The following KHDRBS2 variants were observed in gnomAD, a reference collection of about 807,000 sequenced individuals.
The protein encoded by KHDRBS2 is KH domain-containing, RNA-binding, signal transduction-associated protein 2.
KHDRBS2 carries 26 observed loss-of-function variants against 44.3 expected under a neutral mutation model. The ratio of observed to expected loss-of-function variants is 0.59; its 90% CI spans 0.43 to 0.81. The LOEUF is 0.81. KHDRBS2 is among the 40% of genes least tolerant of loss of function. The pLI is 0.00. For missense variants in KHDRBS2, 476 were observed against 433.1 expected (o/e 1.10, Z -0.88); for synonymous variants, 194 against 151.1 (o/e 1.28, Z -2.08).
chr6:61,743,415 C>A (rs1189921255), intron 6 of KHDRBS2, among the ~76,000 whole-genome samples: 1 of 152,052 alleles, frequency 6.6e-6, no homozygotes, highest in Non-Finnish European at 1.5e-5. Flanking sequence ...CTAGTATTTA[C>A]TCTCTAGTTG....
chr6:61,728,371 T>C (rs1773914633), intron 7 of KHDRBS2, among the ~76,000 whole-genome samples: 1 of 151,976 alleles, frequency 6.6e-6, no homozygotes, highest in South Asian at 2.1e-4. Flanking sequence ...GGATAATCTG[T>C]GCAGCAAACC....
intron 3 of KHDRBS2, among the ~76,000 whole-genome samples, chr6:62,008,011 A>G (rs1779580841): frequency 6.6e-6 from 1 of 152,202 alleles, no homozygotes; most frequent in Non-Finnish European, 1.5e-5. Flanking sequence ...TGAATTTCAT[A>G]TGTTAAAAAA....
At chr6:61,823,058 A>G (rs16899888) in intron 6 of KHDRBS2, among the ~76,000 whole-genome samples, 2,742 of 152,066 alleles carry the variant, frequency 0.018, 89 homozygotes, top group African/African-American at 0.063. Context: ...TATATGCTAA[A>G]TGATGCATGA....
the KHDRBS2 span, among the ~76,000 whole-genome samples, chr6:61,571,149 A>G: frequency 6.6e-6 from 1 of 152,094 alleles, no homozygotes; most frequent in Non-Finnish European, 1.5e-5. Flanking sequence ...AAATCCATCA[A>G]CCAAGTACCT....
chr6:62,075,357 G>T (rs1357364356), intron 2 of KHDRBS2, among the ~76,000 whole-genome samples: 5 of 151,816 alleles, frequency 3.3e-5, no homozygotes, highest in Non-Finnish European at 7.4e-5. Context: ...GAATTTGCTG[G>T]TGCTTTGATT....
At chr6:62,170,784 G>C (rs1819828819) in intron 2 of KHDRBS2, among the ~76,000 whole-genome samples, 1 of 151,986 alleles carries the variant, frequency 6.6e-6, no homozygotes, top group Non-Finnish European at 1.5e-5. Flanking sequence ...CAAGGGGCCA[G>C]AGAACAAAGA....
chr6:62,047,422 G>A (rs972726352), intron 3 of KHDRBS2, among the ~76,000 whole-genome samples: 1 of 151,880 alleles, frequency 6.6e-6, no homozygotes, highest in East Asian at 1.9e-4. Flanking sequence ...GATTCTCTTA[G>A]ATTTGCAGAT....
intron 1 of KHDRBS2, among the ~76,000 whole-genome samples, chr6:62,233,689 T>G (rs1394082087): frequency 2.0e-5 from 3 of 152,112 alleles, no homozygotes; most frequent in Non-Finnish European, 1.5e-5. Flanking sequence ...CCTCTATGTG[T>G]TCATGTGTTC....
chr6:62,283,352 G>T (rs957631232), intron 1 of KHDRBS2, among the ~76,000 whole-genome samples: 229 of 152,192 alleles, frequency 1.5e-3, no homozygotes, highest in African/African-American at 5.3e-3. Context: ...AATTCTACAT[G>T]AAGCACTGTC....
chr6:61,830,781 G>A (rs1296131928), intron 6 of KHDRBS2, among the ~76,000 whole-genome samples: 1 of 152,112 alleles, frequency 6.6e-6, no homozygotes, highest in East Asian at 1.9e-4. Context: ...ACATGCTTGA[G>A]CTTATTGGTA....
intron 6 of KHDRBS2, among the ~76,000 whole-genome samples, chr6:61,821,942 G>C (rs1583013757): frequency 2.0e-5 from 3 of 151,970 alleles, no homozygotes. Flanking sequence ...GTAGTCAGAA[G>C]ACATAGTTGA....
chr6:61,953,496 G>A (rs544560543), intron 4 of KHDRBS2, among the ~76,000 whole-genome samples: 4 of 151,964 alleles, frequency 2.6e-5, no homozygotes, highest in South Asian at 2.1e-4. Context: ...TAGGAAAATC[G>A]CTATATTTTT....
At chr6:61,953,508 TA>T (rs1254822201) in intron 4 of KHDRBS2, among the ~76,000 whole-genome samples, 3 of 152,072 alleles carry the variant, frequency 2.0e-5, no homozygotes, top group African/African-American at 7.2e-5. Context: ...TATATTTTTT[TA>T]AATTGTGTAA....
intron 4 of KHDRBS2, among the ~76,000 whole-genome samples, chr6:61,946,005 C>A (rs1013058569): frequency 6.6e-6 from 1 of 152,104 alleles, no homozygotes; most frequent in Non-Finnish European, 1.5e-5. Context: ...CACTCAAACT[C>A]AGAGAAAGAG....
At chr6:62,105,972 G>A (rs1048691074) in intron 2 of KHDRBS2, among the ~76,000 whole-genome samples, 1 of 152,154 alleles carries the variant, frequency 6.6e-6, no homozygotes, top group African/African-American at 2.4e-5. Context: ...ATTCTGGTAT[G>A]TTGTGTCTTT....
intron 3 of KHDRBS2, among the ~76,000 whole-genome samples, chr6:61,981,822 GA>G (rs1773901316): frequency 2.6e-5 from 4 of 152,256 alleles, no homozygotes; most frequent in African/African-American, 9.6e-5. Context: ...TGTCAAATAA[GA>G]AGAGTTACTT....
intron 3 of KHDRBS2, among the ~76,000 whole-genome samples, chr6:61,994,632 C>T (rs1278141729): frequency 2.0e-5 from 3 of 152,084 alleles, no homozygotes; most frequent in Admixed American, 6.6e-5. Context: ...GATAAGGCAA[C>T]TACATATAAT....
Position 62,031,072 on chromosome 6 carries a change from G to T in KHDRBS2, c.336+16806C>A, listed in dbSNP as rs759908342. Among the ~76,000 whole-genome samples the T allele has an allele frequency of 8.5e-5, 13 of 152,060 alleles. No homozygotes were observed. In the South Asian group the frequency reaches 2.7e-3, roughly 31 times the overall value. On this transcript the variant is annotated intron_variant, in intron 3 of 8. Coordinates refer to ENST00000281156, the MANE Select transcript of KHDRBS2 (RefSeq NM_152688.4). ...GCCTACTTATGCAATACTAGAAAAA[G>T]GATAGAAGATAGCAACAGAAAGCAG...
chr6:62,076,617 G>T (rs1362668444), intron 2 of KHDRBS2, among the ~76,000 whole-genome samples: 2 of 151,996 alleles, frequency 1.3e-5, no homozygotes, highest in Non-Finnish European at 2.9e-5. Context: ...AGATTAAAGG[G>T]TCTTGATGTC....
Sources: allele counts gnomAD v4.1 joint callset (sites outside exome capture counted in the v4.1 genomes callset), GRCh38; gene constraint gnomAD v4.1.1; transcripts MANE v1.5; gene names NCBI Gene and HGNC (gene_info 2026-07-23, HGNC 2026-07-21).